The following SRPK2 variants were observed in gnomAD, a reference collection of about 807,000 sequenced individuals.
SRPK2 encodes the protein SFRS protein kinase 2.
In SRPK2, 21 loss-of-function variants were observed where a neutral mutation model predicts 90.8. The ratio of observed to expected loss-of-function variants is 0.23; its 90% confidence interval spans 0.16 to 0.33. The LOEUF is 0.33. Among genes scored for constraint, SRPK2 ranks in the 10% least tolerant of loss-of-function variants. SRPK2 has a pLI of 1.00. For missense variants in SRPK2, 620 were observed against 869.0 expected, an observed-to-expected ratio of 0.71 and a Z score of 3.60; for synonymous variants, 288 against 311.1, an observed-to-expected ratio of 0.93 and a Z score of 0.78.
intron 2 of SRPK2, among the ~76,000 whole-genome samples, chr7:105,213,283 T>TG (rs1337415399): frequency 1.3e-5 from 2 of 152,088 alleles, no homozygotes; most frequent in African/African-American, 4.8e-5. Context: ...CACAGGCAAG[T>TG]GGGATACCAA....
chr7:105,269,112 G>C lies in SRPK2; in HGVS notation c.72-65327C>G, dbSNP rs961596064. 5.3e-6 allele frequency: 6 copies of C among 1,125,722 alleles called. No individual in the cohort carries two copies. The African/African-American group carries it at 6.2e-5, about 12-fold the overall frequency. The allele number at this position is 1,125,722 out of a possible 1,614,324, so 69.7% of individuals were successfully genotyped here. A position where few individuals can be genotyped will look rare whatever the true frequency, so the allele number is the denominator to read the frequency against. ...GGAAGTACCATTTCTTTAAAGCAGA[G>C]GGGTGTTTTCTTTTTTAAGGTAGAA... On this transcript the variant is annotated intron_variant, in intron 2 of 15. Coordinates refer to ENST00000393651, the MANE Select transcript of SRPK2 (RefSeq NM_182692.3).
rs199888481 is a variant in SRPK2, at chr7:105,370,616, CTTTTTTTT to C, written c.71+18024_71+18031del. 4.6e-5 allele frequency among the ~76,000 whole-genome samples: 6 copies of C among 129,980 alleles called. 1 individual carries two copies. The South Asian group carries it at 1.2e-3, about 26-fold the overall frequency. 85.3% of individuals were successfully genotyped at this position (129,980 alleles called of 152,430 possible). On this transcript the variant is annotated intron_variant, in intron 2 of 15. Coordinates refer to ENST00000393651, the MANE Select transcript of SRPK2 (RefSeq NM_182692.3). ...TTTTTTTAATTAATTTTTTTTCTTTCTTTTTTTTTTTTTTTTTGAGACAGACTCTCGCT... is the reference window on the plus strand; with the variant it reads ...TTTTTTTAATTAATTTTTTTTCTTTCTTTTTTTTTGAGACAGACTCTCGCT...
Position 105,349,878 on chromosome 7 carries a change from A to G in SRPK2, c.71+38770T>C, listed in dbSNP as rs192414921. Reference sequence around the variant, plus strand: ...CTCAGCCTCCTGCATAGCTGGGATTACAGGCACATGCCACCACACCTGGCT... The same window carrying G: ...CTCAGCCTCCTGCATAGCTGGGATTGCAGGCACATGCCACCACACCTGGCT... On this transcript the variant is annotated intron_variant, in intron 2 of 15. Coordinates refer to ENST00000393651, the MANE Select transcript of SRPK2 (RefSeq NM_182692.3). Among the ~76,000 whole-genome samples the G allele has an allele frequency of 1.3e-4, 20 of 152,032 alleles. No individual in the cohort carries two copies. In the East Asian group the frequency reaches 3.9e-3, roughly 30 times the overall value.
At chr7:105,128,134 G>C (rs921640939) in intron 13 of SRPK2, among the ~76,000 whole-genome samples, 1 of 152,298 alleles carries the variant, frequency 6.6e-6, no homozygotes, top group Admixed American at 6.5e-5. Context: ...CCAAGAGTGA[G>C]TGCAGTCAGC....
At chr7:105,290,462 C>T (rs963509428) in intron 2 of SRPK2, among the ~76,000 whole-genome samples, 9 of 152,122 alleles carry the variant, frequency 5.9e-5, no homozygotes, top group Non-Finnish European at 1.3e-4. Flanking sequence ...TGCGCCACTG[C>T]ACTCAGGTGT....
intron 2 of SRPK2, among the ~76,000 whole-genome samples, chr7:105,314,310 C>G (rs1181958151): frequency 1.3e-5 from 2 of 152,024 alleles, no homozygotes; most frequent in African/African-American, 4.8e-5. Flanking sequence ...CCAGCCTGGA[C>G]GACAGAGTAA....
At position 105,360,820 on chromosome 7, in the gene SRPK2, C is replaced by T. The variant is rs568009127; in HGVS notation, c.71+27828G>A. ...CTCAATAAATTCGGTATTGACAGAA[C>T]GTATCTCAAAATAGTAAGAGCTATT... On this transcript the variant is annotated intron_variant, in intron 2 of 15. Transcript: ENST00000393651. Among the ~76,000 whole-genome samples, 9 of 152,164 alleles carry T rather than the reference C, an allele frequency of 5.9e-5. No individual in the cohort carries two copies. The East Asian group carries it at 1.5e-3, about 26-fold the overall frequency.
At chr7:105,368,894 A>G (rs1217530327) in intron 2 of SRPK2, among the ~76,000 whole-genome samples, 7 of 151,316 alleles carry the variant, frequency 4.6e-5, no homozygotes, top group Non-Finnish European at 2.9e-5. Flanking sequence ...CAAAAAAAAA[A>G]AAAAAAAAAA....
chr7:105,193,123 G>A (rs913326366), intron 3 of SRPK2, among the ~76,000 whole-genome samples: 4 of 152,168 alleles, frequency 2.6e-5, no homozygotes, highest in Non-Finnish European at 5.9e-5. Context: ...CTAAGCCAAT[G>A]TCTAGAAGGA....
chr7:105,219,814 C>G (rs1243104235), intron 2 of SRPK2, among the ~76,000 whole-genome samples: 5 of 152,228 alleles, frequency 3.3e-5, no homozygotes, highest in African/African-American at 1.2e-4. Context: ...ATATTTCCTA[C>G]TCATTTATTT....
At chr7:105,147,113 T>C (rs1804754064) in intron 7 of SRPK2, among the ~76,000 whole-genome samples, 2 of 152,206 alleles carry the variant, frequency 1.3e-5, no homozygotes, top group Non-Finnish European at 2.9e-5. Context: ...ATGATTGTCT[T>C]AACATTCTTT....
intron 2 of SRPK2, among the ~76,000 whole-genome samples, chr7:105,349,077 G>A (rs998017757): frequency 3.3e-5 from 5 of 151,296 alleles, no homozygotes; most frequent in Admixed American, 6.6e-5. Flanking sequence ...ACTCGGAGGC[G>A]GAGGTTGCAG....
At chr7:105,152,057 G>A (rs1805768225) in intron 7 of SRPK2, among the ~76,000 whole-genome samples, 1 of 151,036 alleles carries the variant, frequency 6.6e-6, no homozygotes, top group African/African-American at 2.4e-5. Flanking sequence ...CTGGGTCTCA[G>A]TTGTTTCCAT....
At chr7:105,300,185 A>AC (rs2131230248) in intron 2 of SRPK2, among the ~76,000 whole-genome samples, 1 of 147,260 alleles carries the variant, frequency 6.8e-6, no homozygotes, top group South Asian at 2.2e-4. Context: ...CTCGGGAGGC[A>AC]GAGGCTACAG....
At chr7:105,171,259 T>C (rs552189876) in intron 3 of SRPK2, among the ~76,000 whole-genome samples, 2 of 152,350 alleles carry the variant, frequency 1.3e-5, no homozygotes, top group Admixed American at 6.5e-5. Context: ...TATGGTACAC[T>C]TTTTGTGAAA....
intron 3 of SRPK2, among the ~76,000 whole-genome samples, chr7:105,173,923 T>G (rs1203226728): frequency 3.8e-5 from 4 of 104,016 alleles, no homozygotes; most frequent in East Asian, 4.4e-4. Context: ...TGTGTTGGTG[T>G]TTTTTTTTTT....
intron 2 of SRPK2, among the ~76,000 whole-genome samples, chr7:105,222,614 C>T (rs1798236124): frequency 6.6e-6 from 1 of 152,230 alleles, no homozygotes; most frequent in African/African-American, 2.4e-5. Flanking sequence ...TACTATAATG[C>T]CAAAGCATTC....
intron 2 of SRPK2, among the ~76,000 whole-genome samples, chr7:105,321,614 T>C (rs1160315570): frequency 1.3e-5 from 2 of 152,032 alleles, no homozygotes; most frequent in South Asian, 2.1e-4. Context: ...AAAAATAAAC[T>C]ACTTGATTAT....
chr7:105,206,193 A>G (rs1260472609), intron 2 of SRPK2, among the ~76,000 whole-genome samples: 2 of 152,070 alleles, frequency 1.3e-5, no homozygotes, highest in Non-Finnish European at 2.9e-5. Flanking sequence ...ATGCGTGTAG[A>G]CACTGACAAA....
Sources: allele counts gnomAD v4.1 joint callset (sites outside exome capture counted in the v4.1 genomes callset), GRCh38; gene constraint gnomAD v4.1.1; transcripts MANE v1.5; gene names NCBI Gene and HGNC (gene_info 2026-07-23, HGNC 2026-07-21).